DAP: variants seen among roughly 807,000 people sequenced by gnomAD.
DAP encodes the protein death-associated protein 1.
In DAP, 8 loss-of-function variants were observed where a neutral mutation model predicts 13.8. That is an observed-to-expected ratio of 0.58 (90% CI 0.34 to 1.05). The LOEUF (loss-of-function observed/expected upper bound fraction) is 1.05. DAP is among the 50% of genes least tolerant of loss of function. The pLI is 0.03. For synonymous variants in DAP, 47 were observed against 47.5 expected (o/e 0.99, Z 0.04); for missense variants, 106 against 133.2 (o/e 0.80, Z 1.01).
intron 2 of DAP, among the ~76,000 whole-genome samples, chr5:10,734,555 T>A (rs937168171): frequency 6.6e-6 from 1 of 152,098 alleles, no homozygotes; most frequent in Non-Finnish European, 1.5e-5. Context: ...GGCATCCACC[T>A]CCAGGACAGG....
At chr5:10,697,977 TG>T (rs1236891049) in intron 2 of DAP, among the ~76,000 whole-genome samples, 1 of 152,190 alleles carries the variant, frequency 6.6e-6, no homozygotes, top group Non-Finnish European at 1.5e-5. Flanking sequence ...AAGCCTGGCC[TG>T]TGAGAACCAC....
chr5:10,749,224 G>A (rs531400362), intron 1 of DAP, among the ~76,000 whole-genome samples: 5 of 152,216 alleles, frequency 3.3e-5, no homozygotes, highest in Admixed American at 1.3e-4. Flanking sequence ...AGACATTTGC[G>A]TTGTTTCTAC....
intron 2 of DAP, among the ~76,000 whole-genome samples, chr5:10,743,072 C>T (rs1013991498): frequency 2.0e-5 from 3 of 149,800 alleles, no homozygotes; most frequent in South Asian, 2.1e-4. Context: ...GTGAGGAACT[C>T]GGCTCTTTGT....
chr5:10,757,888 A>G (rs1418933288), intron 1 of DAP, among the ~76,000 whole-genome samples: 1 of 152,190 alleles, frequency 6.6e-6, no homozygotes, highest in East Asian at 1.9e-4. Context: ...CCGGGAATAA[A>G]GAGATCAAGA....
intron 2 of DAP, among the ~76,000 whole-genome samples, chr5:10,726,566 G>A (rs543100734): frequency 5.9e-5 from 9 of 152,344 alleles, no homozygotes; most frequent in South Asian, 4.1e-4. Context: ...TGAAGGTGCC[G>A]GCCCCGGCCC....
chr5:10,687,223 AAGG>A (rs1738177486), intron 2 of DAP, among the ~76,000 whole-genome samples: 1 of 152,254 alleles, frequency 6.6e-6, no homozygotes, highest in African/African-American at 2.4e-5. Context: ...CCAAGTATAC[AAGG>A]AGATTAATGT....
At chr5:10,748,386 C>A in intron 1 of DAP, 115 bp from the exon 2 acceptor site, 1 of 780,898 alleles carries the variant, frequency 1.3e-6, no homozygotes, top group South Asian at 1.5e-5. Flanking sequence ...TCTGGAGAAT[C>A]TGGCAATGAA....
intron 2 of DAP, among the ~76,000 whole-genome samples, chr5:10,735,560 C>T (rs1739587764): frequency 6.6e-6 from 1 of 152,152 alleles, no homozygotes; most frequent in African/African-American, 2.4e-5. Context: ...TAATGCAGTG[C>T]ACATGTATAC....
chr5:10,708,443 AC>A (rs1474160086), intron 2 of DAP, among the ~76,000 whole-genome samples: 1 of 35,774 alleles, frequency 2.8e-5, no homozygotes, highest in Non-Finnish European at 1.2e-4. Flanking sequence ...CACATATCAG[AC>A]ACACACACAC....
At chr5:10,683,416 G>C (rs1325076316) in intron 3 of DAP, 113 bp downstream of exon 3, 1 of 1,019,584 alleles carries the variant, frequency 9.8e-7, no homozygotes, top group African/African-American at 1.6e-5. Context: ...CAGAGGAGAT[G>C]AGCAGTGGTG....
intron 2 of DAP, among the ~76,000 whole-genome samples, chr5:10,747,025 C>T (rs1739922376): frequency 6.6e-6 from 1 of 152,174 alleles, no homozygotes; most frequent in Admixed American, 6.6e-5. Flanking sequence ...GGTTCTGTTT[C>T]CTTGTACATA....
chr5:10,680,700 C>T lies in DAP; in HGVS notation c.*356G>A, dbSNP rs1490525018. ...TGAGGTTTTCTCCTAACCTTAATCTCATCTTCTCAAATGTGTGCCTTCTTG... is the reference window on the plus strand; with the variant it reads ...TGAGGTTTTCTCCTAACCTTAATCTTATCTTCTCAAATGTGTGCCTTCTTG... On this transcript the variant is annotated 3_prime_UTR_variant, in exon 4 of 4. Coordinates refer to ENST00000230895, the MANE Select transcript of DAP (RefSeq NM_004394.3). 26 of 1,526,234 alleles carry T rather than the reference C, an allele frequency of 1.7e-5. No individual in the cohort carries two copies. The highest frequency in any genetic ancestry group is 2.3e-5 in the Non-Finnish European group (26 of 1,139,390). The allele number at this position is 1,526,234 out of a possible 1,614,324, so 94.5% of individuals were successfully genotyped here. A position where few individuals can be genotyped will look rare whatever the true frequency, so the allele number is the denominator to read the frequency against.
At chr5:10,688,563 G>A (rs1738214827) in intron 2 of DAP, among the ~76,000 whole-genome samples, 2 of 152,028 alleles carry the variant, frequency 1.3e-5, no homozygotes, top group African/African-American at 2.4e-5. Context: ...ATATCTCTGA[G>A]GTCTGCCTGT....
rs190949376 is a variant in DAP at position 10,733,440 on chromosome 5, C to T, written c.152+14735G>A. Among the ~76,000 whole-genome samples the T allele has an allele frequency of 3.3e-5, 5 of 152,204 alleles. No homozygotes were observed. In the East Asian group the frequency reaches 9.6e-4, roughly 29 times the overall value. On this transcript the variant is annotated intron_variant, in intron 2 of 3. Coordinates refer to ENST00000230895, the MANE Select transcript of DAP (RefSeq NM_004394.3). ...TATGTTTCACTTTTGGTATCTAGAT[C>T]CTTCTGGATCTTTAGCAAAATCTGA...
chr5:10,746,282 T>C (rs965828419), intron 2 of DAP, among the ~76,000 whole-genome samples: 7 of 152,080 alleles, frequency 4.6e-5, no homozygotes, highest in African/African-American at 1.7e-4. Flanking sequence ...GTTCCAAACA[T>C]AGCTTTGTGA....
At position 10,744,329 on chromosome 5, in the gene DAP, TCA is replaced by T. The variant is rs1248339571; in HGVS notation, c.152+3844_152+3845del. On this transcript the variant is annotated intron_variant, in intron 2 of 3. Coordinates refer to ENST00000230895, the MANE Select transcript of DAP (RefSeq NM_004394.3). ...GATCAGGGTAATGTGGATAGGAAAG[TCA>T]CATGCTATAAGACATTTCCAAGAGG... 4.6e-5 allele frequency among the ~76,000 whole-genome samples: 7 copies of T among 152,318 alleles called. No individual in the cohort carries two copies. The East Asian group carries it at 5.8e-4, about 13-fold the overall frequency.
Position 10,680,633 on chromosome 5 carries a change from T to A in DAP, c.*423A>T. On this transcript the variant is annotated 3_prime_UTR_variant, in exon 4 of 4. Coordinates refer to ENST00000230895, the MANE Select transcript of DAP (RefSeq NM_004394.3). ...CCCTTAGTTCTTACTCTCCCACAGG[T>A]GTTGAGATTTTATTGGCCCATACTA... is the stretch of plus-strand genomic sequence containing the variant. 1 of 1,099,130 alleles carries A rather than the reference T, an allele frequency of 9.1e-7. No individual in the cohort carries two copies. Among genetic ancestry groups the A allele is most frequent in the Non-Finnish European group, 1.3e-6 (1 of 778,058 alleles). The allele number at this position is 1,099,130 out of a possible 1,614,324, so 68.1% of individuals were successfully genotyped here.
At chr5:10,756,833 A>G (rs1740196666) in intron 1 of DAP, among the ~76,000 whole-genome samples, 1 of 152,258 alleles carries the variant, frequency 6.6e-6, no homozygotes, top group South Asian at 2.1e-4. Context: ...GTGGAATGCT[A>G]TGACTGCTGT....
chr5:10,681,927 T>C (rs1406754587), intron 3 of DAP, among the ~76,000 whole-genome samples: 5 of 149,900 alleles, frequency 3.3e-5, no homozygotes, highest in Non-Finnish European at 5.9e-5. Context: ...GCATGGCGGT[T>C]GTATATGAGG....
Sources: gnomAD v4.1 joint callset for allele counts (sites outside exome capture counted in the v4.1 genomes callset) on GRCh38, gnomAD v4.1.1 for gene constraint, MANE v1.5 for transcripts, NCBI Gene and HGNC (gene_info 2026-07-23, HGNC 2026-07-21) for gene names.